The following DNAH12 variants were observed in gnomAD, a reference collection of about 807,000 sequenced individuals.
The protein encoded by DNAH12 is dynein axonemal heavy chain 12, also known as axonemal beta dynein heavy chain 12.
In DNAH12, 285 loss-of-function variants were observed where a neutral mutation model predicts 371.5. The observed-to-expected ratio is 0.77, with a 90% CI of 0.70 to 0.85. The LOEUF is 0.85. Ranked by LOEUF, DNAH12 falls within the 40% of genes least tolerant of loss-of-function variation. The probability of loss-of-function intolerance (pLI) is 0.00; values close to 1 mark genes in which losing one functional copy is unlikely to be tolerated. For missense variants in DNAH12, 3,611 were observed against 3,689.4 expected, an observed-to-expected ratio of 0.98 and a Z score of 0.55; for synonymous variants, 1,200 against 1,213.0, an observed-to-expected ratio of 0.99 and a Z score of 0.22.
At chr3:57,529,603 T>G (rs999045137) in intron 2 of DNAH12, among the ~76,000 whole-genome samples, 7 of 152,224 alleles carry the variant, frequency 4.6e-5, no homozygotes, top group African/African-American at 1.7e-4. Context: ...ATCTCTGATT[T>G]TATTTATTTG....
At chr3:57,294,797 G>C (rs922271032) in intron 73 of DNAH12, among the ~76,000 whole-genome samples, 22 of 152,240 alleles carry the variant, frequency 1.4e-4, no homozygotes, top group African/African-American at 5.1e-4. Flanking sequence ...TCCCCAAAAA[G>C]CCAGATATAA....
chr3:57,391,321 A>G (rs1286034996), intron 45 of DNAH12, among the ~76,000 whole-genome samples: 1 of 152,038 alleles, frequency 6.6e-6, no homozygotes, highest in East Asian at 1.9e-4. Context: ...CTCCTGTATG[A>G]TTGCCTTCAA....
chr3:57,302,989 G>A (rs2061393518), intron 69 of DNAH12, among the ~76,000 whole-genome samples: 1 of 151,860 alleles, frequency 6.6e-6, no homozygotes, highest in Non-Finnish European at 1.5e-5. Flanking sequence ...TATGATTAAT[G>A]AATATTTTTA....
chr3:57,436,893 G>A lies in DNAH12; in HGVS notation c.4655+58C>T, dbSNP rs568038769. The stretch of plus-strand genomic sequence containing the variant: ...CCAAGTCTTTGGTTCATGGATTTTA[G>A]TTGTTTTACCAGCTTAATTAAGAAA... On this transcript the variant is annotated intron_variant, in intron 30 of 73. Transcript: ENST00000495027. 73 of 1,182,984 alleles carry A rather than the reference G, an allele frequency of 6.2e-5. 1 individual carries two copies. In the East Asian group the frequency reaches 1.9e-3, roughly 31 times the overall value. The allele number at this position is 1,182,984 out of a possible 1,614,324, so 73.3% of individuals were successfully genotyped here.
intron 40 of DNAH12, among the ~76,000 whole-genome samples, chr3:57,407,574 T>C (rs2064077901): frequency 6.6e-6 from 1 of 152,148 alleles, no homozygotes; most frequent in Admixed American, 6.5e-5. Context: ...CCTGTTGCAG[T>C]GATCACAAAA....
intron 50 of DNAH12, among the ~76,000 whole-genome samples, chr3:57,381,259 GTGTA>G (rs1256818459): frequency 3.7e-5 from 5 of 134,434 alleles, no homozygotes; most frequent in Non-Finnish European, 8.3e-5. Context: ...GTGTGTGTGT[GTGTA>G]AATGAGAATA....
chr3:57,471,528 C>T lies in DNAH12; in HGVS notation c.1855G>A (p.Glu619Lys). The T allele has an allele frequency of 6.5e-7, 1 of 1,549,422 alleles. No homozygotes were observed. Among genetic ancestry groups the T allele is most frequent in the South Asian group, 1.2e-5 (1 of 83,614 alleles). Reference sequence around the variant, plus strand: ...GTAAACTCCTCCATGCGGCGTGATTCTTTTTCTATTTCCAAAATAAGTTTC... The same window carrying T: ...GTAAACTCCTCCATGCGGCGTGATTTTTTTTCTATTTCCAAAATAAGTTTC... The part of the protein sequence containing the change: ...REKLILEIEK[E>K]SRRMEEFTEF... The change falls in exon 15 of 74, where the codon GAA (glutamate) becomes AAA (lysine). Residue 619 changes from glutamate (E) to lysine (K), a missense_variant. Physicochemically the swap from Glu to Lys is moderately conservative, Grantham distance 56. Coordinates refer to ENST00000495027, the MANE Select transcript of DNAH12 (RefSeq NM_001366028.2).
intron 66 of DNAH12, among the ~76,000 whole-genome samples, chr3:57,313,164 C>T (rs368486371): frequency 1.3e-5 from 2 of 152,158 alleles, no homozygotes; most frequent in Non-Finnish European, 2.9e-5. Flanking sequence ...CTAAAGCCTA[C>T]GCCTGTGACC....
chr3:57,381,128 A>G (rs2063381168), intron 50 of DNAH12, among the ~76,000 whole-genome samples: 1 of 152,182 alleles, frequency 6.6e-6, no homozygotes, highest in Admixed American at 6.6e-5. Flanking sequence ...AAGAGTACAC[A>G]TTGCTCTGCC....
upstream of DNAH12, chr3:57,544,359 T>C (rs1446124432): frequency 3.9e-5 from 6 of 152,132 alleles, no homozygotes; most frequent in Admixed American, 1.3e-4. Context: ...GCTGACCGGT[T>C]GGAAACAACG....
intron 58 of DNAH12, among the ~76,000 whole-genome samples, chr3:57,358,491 T>C (rs2062850023): frequency 6.6e-6 from 1 of 152,150 alleles, no homozygotes; most frequent in African/African-American, 2.4e-5. Flanking sequence ...AAATAAATTA[T>C]TCCCTTGTAT....
At chr3:57,337,274 T>C (rs1459222314) in intron 60 of DNAH12, among the ~76,000 whole-genome samples, 4 of 149,348 alleles carry the variant, frequency 2.7e-5, no homozygotes, top group East Asian at 4.0e-4. Flanking sequence ...TAGGAGGCCA[T>C]AGGCAGGAGG....
chr3:57,360,030 A>G (rs2062889280), intron 58 of DNAH12, among the ~76,000 whole-genome samples: 1 of 152,224 alleles, frequency 6.6e-6, no homozygotes, highest in African/African-American at 2.4e-5. Context: ...AAGATAAAGC[A>G]CTTGAACCAA....
At chr3:57,369,226 A>ATAT (rs1248314277) in intron 55 of DNAH12, among the ~76,000 whole-genome samples, 3 of 73,736 alleles carry the variant, frequency 4.1e-5, no homozygotes, top group African/African-American at 9.8e-5. Flanking sequence ...CATTAAAAAA[A>ATAT]AAATATATAT....
At chr3:57,452,529 C>A (rs962961475) in intron 25 of DNAH12, among the ~76,000 whole-genome samples, 12 of 152,132 alleles carry the variant, frequency 7.9e-5, no homozygotes, top group Admixed American at 3.3e-4. Flanking sequence ...GTCATCTCTC[C>A]CAAGACGCCA....
chr3:57,474,902 G>A (rs1369048616), intron 13 of DNAH12, among the ~76,000 whole-genome samples: 4 of 151,994 alleles, frequency 2.6e-5, no homozygotes, highest in African/African-American at 9.7e-5. Context: ...CTTGAACCCG[G>A]GAGGCAGAGG....
At chr3:57,433,600 A>G in intron 31 of DNAH12, 45 bp downstream of exon 31, 1 of 1,535,338 alleles carries the variant, frequency 6.5e-7, no homozygotes, top group South Asian at 1.2e-5. Flanking sequence ...TTGTTTTAAC[A>G]GGCACTTTCC....
intron 43 of DNAH12, among the ~76,000 whole-genome samples, chr3:57,398,673 T>C (rs1203658598): frequency 6.6e-6 from 1 of 152,134 alleles, no homozygotes; most frequent in African/African-American, 2.4e-5. Context: ...GATAAAAACC[T>C]GTCAACCAAG....
chr3:57,542,652 C>T, intron 2 of DNAH12, 49 bp downstream of exon 2: 1 of 1,532,182 alleles, frequency 6.5e-7, no homozygotes, highest in Non-Finnish European at 8.7e-7. Flanking sequence ...GAACACTAAT[C>T]ATTTTACTTG....
Sources: allele counts gnomAD v4.1 joint callset (sites outside exome capture counted in the v4.1 genomes callset), GRCh38; gene constraint gnomAD v4.1.1; transcripts MANE v1.5; gene names NCBI Gene and HGNC (gene_info 2026-07-23, HGNC 2026-07-21).